Variants in ADAMTS9 observed in about 807,000 individuals in gnomAD.
The protein encoded by ADAMTS9 is A disintegrin and metalloproteinase with thrombospondin motifs 9.
Under a neutral mutation model 257.1 loss-of-function variants are expected in ADAMTS9, and 107 were observed. The observed-to-expected ratio is 0.42, with a 90% confidence interval of 0.36 to 0.49. The LOEUF (loss-of-function observed/expected upper bound fraction) is 0.49. ADAMTS9 is among the 20% of genes least tolerant of loss of function. The pLI is 0.03. For synonymous variants in ADAMTS9, 982 were observed against 880.9 expected (o/e 1.11, Z -2.03); for missense variants, 2,353 against 2,469.1 (o/e 0.95, Z 1.00).
At chr3:64,539,421 G>C in intron 36 of ADAMTS9, 127 bp from the exon 37 acceptor site, 4 of 773,382 alleles carry the variant, frequency 5.2e-6, no homozygotes, top group Non-Finnish European at 8.8e-6. Context: ...AGAGAAAGAA[G>C]CAATGTGAAA....
Position 64,594,290 on chromosome 3 carries a change from C to A in ADAMTS9, c.4324G>T (p.Asp1442Tyr). The change falls in exon 28 of 40, where the codon GAC becomes TAC. Residue 1442 changes from aspartate (D) to tyrosine (Y), a missense_variant. Transcript: ENST00000498707. ...EQCNTHACPH[D>Y]AAWSTGPWSS... ...CAAGGGCCAGTACTCCATGCAGCGTCGTGTGGACAAGCATGTGTGTTACAC... is the reference window on the plus strand; with the variant it reads ...CAAGGGCCAGTACTCCATGCAGCGTAGTGTGGACAAGCATGTGTGTTACAC... The A allele has an allele frequency of 1.2e-6, 2 of 1,613,906 alleles. No individual in the cohort carries two copies. The highest frequency in any genetic ancestry group is 4.5e-5 in the East Asian group (2 of 44,856).
chr3:64,674,832 A>ACCACT lies in ADAMTS9; in HGVS notation c.679+6364_679+6368dup, dbSNP rs923812457. On this transcript the variant is annotated intron_variant, in intron 3 of 39. Transcript: ENST00000498707. ...GCTCCGTCTCTCACTCCATTTGGGT[A>ACCACT]CCACTCGAAGGGCAGCTAATCTAAT... Among the ~76,000 whole-genome samples, 3 of 152,192 alleles carry ACCACT rather than the reference A, an allele frequency of 2.0e-5. No individual in the cohort carries two copies. In the East Asian group the frequency reaches 5.8e-4, roughly 29 times the overall value.
chr3:64,638,100 C>T (rs1310249176), intron 12 of ADAMTS9, among the ~76,000 whole-genome samples: 1 of 152,138 alleles, frequency 6.6e-6, no homozygotes, highest in Admixed American at 6.5e-5. Context: ...ATATCTAGTT[C>T]ATAATCCTTT....
chr3:64,628,994 T>C (rs1700300122), intron 16 of ADAMTS9, among the ~76,000 whole-genome samples: 1 of 152,214 alleles, frequency 6.6e-6, no homozygotes, highest in Non-Finnish European at 1.5e-5. Context: ...GGTTTTGACC[T>C]TGGAGTTTTG....
intron 8 of ADAMTS9, among the ~76,000 whole-genome samples, chr3:64,653,707 A>T (rs1188661386): frequency 6.6e-6 from 1 of 152,218 alleles, no homozygotes; most frequent in Non-Finnish European, 1.5e-5. Flanking sequence ...CAAAACTCAG[A>T]ATAATTTCTA....
chr3:64,642,593 A>G (rs1576152774), intron 11 of ADAMTS9, among the ~76,000 whole-genome samples: 1 of 152,238 alleles, frequency 6.6e-6, no homozygotes, highest in Non-Finnish European at 1.5e-5. Flanking sequence ...AGCCTGGAGC[A>G]GGAAGAAGGC....
At chr3:64,525,913 T>G (rs1344558248) in intron 38 of ADAMTS9, among the ~76,000 whole-genome samples, 1 of 137,212 alleles carries the variant, frequency 7.3e-6, no homozygotes, top group Non-Finnish European at 1.6e-5. Flanking sequence ...AATAGTACAG[T>G]AGAAAAATTA....
chr3:64,643,445 ATTTTTTTTTTTTT>A (rs57471985), intron 11 of ADAMTS9, among the ~76,000 whole-genome samples: 1 of 61,406 alleles, frequency 1.6e-5, no homozygotes, highest in African/African-American at 7.0e-5. Flanking sequence ...TTACTCAATA[ATTTTTTTTTTTTT>A]TTTTTTTTTT....
In ADAMTS9 at chr3:64,572,605, G is replaced by A. The variant is rs560894173; in HGVS notation, c.4357-4070C>T. ...AGAACTAAAGAGAATGGGATCCCTG[G>A]GGTTGCTGAGGCTGCCAAGGACCTG... On this transcript the variant is annotated intron_variant, in intron 28 of 39. Transcript: ENST00000498707. Among the ~76,000 whole-genome samples the A allele has an allele frequency of 8.8e-4, 134 of 152,218 alleles. 1 individual carries two copies. Among genetic ancestry groups the A allele is most frequent in the Middle Eastern group, 3.4e-3 (1 of 294 alleles).
intron 33 of ADAMTS9, 50 bp from the exon 34 acceptor site, chr3:64,541,670 A>G: frequency 6.4e-7 from 1 of 1,563,340 alleles, no homozygotes; most frequent in Non-Finnish European, 8.8e-7. Context: ...CGAGATGTGA[A>G]TTATCTGCCT....
intron 16 of ADAMTS9, among the ~76,000 whole-genome samples, chr3:64,625,698 T>C (rs1260274082): frequency 6.6e-6 from 1 of 152,180 alleles, no homozygotes; most frequent in East Asian, 1.9e-4. Flanking sequence ...CTGAAATGAC[T>C]GAGAAGAATG....
At chr3:64,622,055 CA>C (rs769873070) in intron 18 of ADAMTS9, 142 bp downstream of exon 18, 11 of 882,502 alleles carry the variant, frequency 1.2e-5, no homozygotes, top group South Asian at 1.2e-4. Context: ...CAAAAATGAC[CA>C]GACACATTCA....
chr3:64,568,640 C>A, intron 28 of ADAMTS9, 105 bp from the exon 29 acceptor site: 1 of 1,335,290 alleles, frequency 7.5e-7, no homozygotes, highest in Non-Finnish European at 1.0e-6. Flanking sequence ...ACAAGAGTTA[C>A]CATTCCCCTC....
At chr3:64,597,902 G>A (rs1236774008) in intron 26 of ADAMTS9, among the ~76,000 whole-genome samples, 3 of 152,132 alleles carry the variant, frequency 2.0e-5, no homozygotes, top group South Asian at 2.1e-4. Flanking sequence ...TATTTCTCAC[G>A]ATTTATCAAG....
intron 32 of ADAMTS9, among the ~76,000 whole-genome samples, chr3:64,545,437 G>A (rs1255249453): frequency 6.6e-6 from 1 of 152,150 alleles, no homozygotes; most frequent in African/African-American, 2.4e-5. Context: ...CATAAAAAAG[G>A]ATGAGTTCAT....
intron 26 of ADAMTS9, among the ~76,000 whole-genome samples, chr3:64,597,775 T>C (rs1363273752): frequency 1.3e-5 from 2 of 152,248 alleles, no homozygotes; most frequent in African/African-American, 4.8e-5. Context: ...TGAAGTGTTT[T>C]CTTCTTTCCA....
rs536664549 is a variant in ADAMTS9 at position 64,602,155 on chromosome 3, C to G, written c.3806G>C (p.Ser1269Thr). ...CTCACTCCGATCGATCACGTGGTCACTGTAGTTGACACACATCACTTGCCG... is the reference window on the plus strand; with the variant it reads ...CTCACTCCGATCGATCACGTGGTCAGTGTAGTTGACACACATCACTTGCCG... ...ATRQVMCVNY[S>T]DHVIDRSECD... The change falls in exon 26 of 40, where the codon AGT becomes ACT. Residue 1269 changes from serine to threonine, a missense_variant. Around this residue, in one of 3 missense-constraint regions of ADAMTS9, gnomAD observed 1,402 missense variants for 1,441.4 expected, o/e 0.97. Transcript: ENST00000498707. 2 of 1,614,148 alleles carry G rather than the reference C, an allele frequency of 1.2e-6. No individual in the cohort carries two copies. Among genetic ancestry groups the G allele is most frequent in the East Asian group, 4.5e-5 (2 of 44,848 alleles).
chr3:64,646,711 TC>T (rs1700798111), intron 11 of ADAMTS9, among the ~76,000 whole-genome samples: 1 of 152,190 alleles, frequency 6.6e-6, no homozygotes, highest in Non-Finnish European at 1.5e-5. Context: ...AACTTTCATA[TC>T]CTCAGGATCC....
intron 3 of ADAMTS9, among the ~76,000 whole-genome samples, chr3:64,668,914 C>T (rs530064232): frequency 9.2e-5 from 14 of 152,242 alleles, no homozygotes; most frequent in South Asian, 8.3e-4. Context: ...GTGTATCTCC[C>T]ACATTCTTTT....
Sources: gnomAD v4.1 joint callset for allele counts (sites outside exome capture counted in the v4.1 genomes callset) on GRCh38, gnomAD v4.1.1 for gene constraint, gnomAD v4.1.1 regional missense constraint, MANE v1.5 for transcripts, NCBI Gene and HGNC (gene_info 2026-07-23, HGNC 2026-07-21) for gene names.